Variants in RFX3 observed in about 807,000 individuals in gnomAD.
The protein encoded by RFX3 is regulatory factor X3, also known as transcription factor RFX3.
A neutral mutation model predicts 98.6 loss-of-function variants in RFX3; 14 were observed. The ratio of observed to expected loss-of-function variants is 0.14; its 90% CI spans 0.09 to 0.22. The LOEUF is 0.22. RFX3 is among the 10% of genes least tolerant of loss of function. RFX3 has a pLI of 1.00. For synonymous variants in RFX3, 383 were observed against 328.4 expected (o/e 1.17, Z -1.80); for missense variants, 639 against 926.9 (o/e 0.69, Z 4.03).
intron 1 of RFX3, among the ~76,000 whole-genome samples, chr9:3,407,266 G>C (rs1428274694): frequency 6.6e-6 from 1 of 152,006 alleles, no homozygotes; most frequent in African/African-American, 2.4e-5. Context: ...CCAAAAAAAG[G>C]TATTCTAAGA....
At chr9:3,354,258 A>C (rs1395347366) in intron 2 of RFX3, among the ~76,000 whole-genome samples, 4 of 151,866 alleles carry the variant, frequency 2.6e-5, no homozygotes. Context: ...AATTTGATTG[A>C]AATGATAAAC....
At chr9:3,387,229 A>G (rs1839819636) in intron 2 of RFX3, among the ~76,000 whole-genome samples, 1 of 151,990 alleles carries the variant, frequency 6.6e-6, no homozygotes, top group Non-Finnish European at 1.5e-5. Flanking sequence ...TCAAACTTGT[A>G]TTTTCTTCAA....
At chr9:3,336,757 G>C (rs867643314) in intron 3 of RFX3, among the ~76,000 whole-genome samples, 1 of 152,148 alleles carries the variant, frequency 6.6e-6, no homozygotes, top group Admixed American at 6.5e-5. Context: ...CCATGATCCA[G>C]TAGTGGGCCA....
chr9:3,446,037 A>T (rs1846017818), intron 1 of RFX3, among the ~76,000 whole-genome samples: 1 of 152,088 alleles, frequency 6.6e-6, no homozygotes, highest in Non-Finnish European at 1.5e-5. Context: ...TCCTGCAAAA[A>T]CATCTCCTCA....
intron 1 of RFX3, among the ~76,000 whole-genome samples, chr9:3,406,425 C>T (rs903412011): frequency 2.0e-5 from 3 of 151,946 alleles, no homozygotes; most frequent in Admixed American, 6.6e-5. Context: ...TTAACAAGTC[C>T]GAATCTAGTG....
intron 5 of RFX3, among the ~76,000 whole-genome samples, chr9:3,300,235 A>G (rs1448286468): frequency 6.6e-6 from 1 of 151,806 alleles, no homozygotes; most frequent in East Asian, 1.9e-4. Flanking sequence ...TTCAGAAATG[A>G]AAAAACTTAT....
At chr9:3,303,669 C>G in intron 4 of RFX3, among the ~76,000 whole-genome samples, 1 of 151,624 alleles carries the variant, frequency 6.6e-6, no homozygotes, top group East Asian at 1.9e-4. Context: ...AGTCAGAGAT[C>G]TGCTTCTGTT....
chr9:3,455,312 C>T (rs754880179), intron 1 of RFX3, among the ~76,000 whole-genome samples: 1 of 152,180 alleles, frequency 6.6e-6, no homozygotes, highest in Non-Finnish European at 1.5e-5. Context: ...CTAGATCCCT[C>T]TCCACCCCTT....
chr9:3,273,234 A>G (rs1423840160), intron 9 of RFX3, among the ~76,000 whole-genome samples: 1 of 152,182 alleles, frequency 6.6e-6, no homozygotes, highest in Non-Finnish European at 1.5e-5. Context: ...TTCAAAATGA[A>G]TATTTATTAA....
In RFX3 at chr9:3,220,842, A is replaced by G. The variant is rs1229127775; in HGVS notation, c.*4200T>C. 6.6e-6 allele frequency: 1 copy of G among 152,188 alleles called. No homozygotes were observed. Among genetic ancestry groups the G allele is most frequent in the Admixed American group, 6.5e-5 (1 of 15,268 alleles). The allele number at this position is 152,188 out of a possible 1,614,324, so 9.4% of individuals were successfully genotyped here. On this transcript the variant is annotated 3_prime_UTR_variant, in exon 17 of 17. Transcript: ENST00000617270. ...ATTAATGCTTCTATTCCAGTTTTTA[A>G]AAATCACCAAACTTGCAGAAATACT...
chr9:3,289,558 A>C (rs1827070947), intron 6 of RFX3, among the ~76,000 whole-genome samples: 1 of 152,124 alleles, frequency 6.6e-6, no homozygotes, highest in Non-Finnish European at 1.5e-5. Flanking sequence ...AGGAAGCAGG[A>C]GACATTACTT....
chr9:3,411,959 T>G (rs181149983), intron 1 of RFX3, among the ~76,000 whole-genome samples: 10 of 152,310 alleles, frequency 6.6e-5, no homozygotes, highest in Admixed American at 3.3e-4. Flanking sequence ...TTTTCACACA[T>G]CTGGACAACT....
At chr9:3,273,245 C>T (rs1361271341) in intron 9 of RFX3, among the ~76,000 whole-genome samples, 1 of 152,030 alleles carries the variant, frequency 6.6e-6, no homozygotes. Context: ...TATTTATTAA[C>T]AGGAAAAAAT....
intron 3 of RFX3, among the ~76,000 whole-genome samples, chr9:3,333,259 T>A (rs959918645): frequency 1.3e-5 from 2 of 152,212 alleles, no homozygotes; most frequent in Non-Finnish European, 2.9e-5. Flanking sequence ...TTAAAACAAA[T>A]ACTTTTAATC....
chr9:3,372,616 T>C (rs981114133), intron 2 of RFX3, among the ~76,000 whole-genome samples: 18 of 151,118 alleles, frequency 1.2e-4, no homozygotes, highest in African/African-American at 4.4e-4. Context: ...GGTGTGATCT[T>C]GGCTCACTGC....
At chr9:3,417,916 G>A (rs1021532230) in intron 1 of RFX3, among the ~76,000 whole-genome samples, 1 of 152,178 alleles carries the variant, frequency 6.6e-6, no homozygotes, top group Non-Finnish European at 1.5e-5. Context: ...GTCTTGGCCA[G>A]TAGTGACACT....
At chr9:3,456,062 G>A (rs368335450) in intron 1 of RFX3, among the ~76,000 whole-genome samples, 2 of 152,248 alleles carry the variant, frequency 1.3e-5, no homozygotes, top group South Asian at 4.1e-4. Flanking sequence ...TCACATGGCA[G>A]AAGGCAGAAG....
chr9:3,394,924 C>T (rs1321054278), intron 2 of RFX3: 1 of 703,750 alleles, frequency 1.4e-6, no homozygotes, highest in Non-Finnish European at 1.7e-6. Context: ...GATGAATTCA[C>T]TCCCAACTTT....
intron 2 of RFX3, among the ~76,000 whole-genome samples, chr9:3,378,715 C>A (rs1413618148): frequency 1.3e-5 from 2 of 151,888 alleles, no homozygotes; most frequent in Admixed American, 1.3e-4. Context: ...CTCCACCATG[C>A]CCATCTAATT....
Sources: allele counts gnomAD v4.1 joint callset (sites outside exome capture counted in the v4.1 genomes callset), GRCh38; gene constraint gnomAD v4.1.1; transcripts MANE v1.5; gene names NCBI Gene and HGNC (gene_info 2026-07-23, HGNC 2026-07-21).